Variants in TMEFF1 observed in about 807,000 individuals in gnomAD.
TMEFF1 encodes transmembrane protein with EGF like and two follistatin like domains 1.
In TMEFF1, 20 loss-of-function variants were observed where a neutral mutation model predicts 47.5. The ratio of observed to expected loss-of-function variants is 0.42; its 90% confidence interval spans 0.30 to 0.61. The LOEUF (loss-of-function observed/expected upper bound fraction) is 0.61, where lower values mean the gene tolerates loss of function less well. Among genes scored for constraint, TMEFF1 ranks in the 20% least tolerant of loss-of-function variants. TMEFF1 has a pLI of 0.19. For missense variants in TMEFF1, 411 were observed against 471.1 expected, an observed-to-expected ratio of 0.87 and a Z score of 1.18; for synonymous variants, 162 against 166.3, an observed-to-expected ratio of 0.97 and a Z score of 0.20.
intron 5 of TMEFF1, among the ~76,000 whole-genome samples, chr9:100,538,898 G>A (rs775312942): frequency 2.6e-5 from 4 of 151,898 alleles, no homozygotes; most frequent in Non-Finnish European, 5.9e-5. Flanking sequence ...TGGTATACAC[G>A]AGTAGGAGAT....
At chr9:100,570,247 G>A (rs1839207668) in intron 8 of TMEFF1, among the ~76,000 whole-genome samples, 1 of 152,100 alleles carries the variant, frequency 6.6e-6, no homozygotes, top group South Asian at 2.1e-4. Context: ...ACGTGGTAGT[G>A]CAGATATTTC....
In TMEFF1 at chr9:100,473,782, C is replaced by G; in HGVS notation, c.196+42C>G. 2 of 1,434,052 alleles carry G rather than the reference C, an allele frequency of 1.4e-6. No individual in the cohort carries two copies. Among genetic ancestry groups the G allele is most frequent in the Non-Finnish European group, 1.8e-6 (2 of 1,084,246 alleles). The allele number at this position is 1,434,052 out of a possible 1,614,324, so 88.8% of individuals were successfully genotyped here. A position where few individuals can be genotyped will look rare whatever the true frequency, so the allele number is the denominator to read the frequency against. ...CCGGCCCTAGGTCTTCCCACCCCTC[C>G]GTTGCCGCCTCCCTCGTGGTCCCTG... On this transcript the variant is annotated intron_variant, in intron 1 of 9. Transcript: ENST00000374879. This position sits in a 1 kb window ranked among gnomAD's most constrained non-coding sequence, Gnocchi z 5.4.
chr9:100,523,411 G>A (rs1037213474), intron 5 of TMEFF1, among the ~76,000 whole-genome samples: 1 of 152,086 alleles, frequency 6.6e-6, no homozygotes, highest in Non-Finnish European at 1.5e-5. Context: ...CTGAGGGCAG[G>A]GACTTTGTCT....
rs527423618 is a variant in TMEFF1, at chr9:100,534,974, A to T, written c.561-12770A>T. On this transcript the variant is annotated intron_variant, in intron 5 of 9. Coordinates refer to ENST00000374879, the MANE Select transcript of TMEFF1 (RefSeq NM_003692.5). ...TTGTAAAGGGCTAGATGGTAAATAT[A>T]TCAGGCTTAGCAGGCCACATGTGGT... 8.9e-4 allele frequency among the ~76,000 whole-genome samples: 135 copies of T among 152,314 alleles called. 1 individual carries two copies. Among genetic ancestry groups the T allele is most frequent in the African/African-American group, 3.1e-3 (128 of 41,568 alleles).
intron 5 of TMEFF1, among the ~76,000 whole-genome samples, chr9:100,524,072 A>C (rs1216979601): frequency 6.6e-6 from 1 of 152,074 alleles, no homozygotes; most frequent in Non-Finnish European, 1.5e-5. Context: ...AGAGACAGTC[A>C]CTGTGATCTG....
At chr9:100,484,616 G>A (rs1837414204) in intron 1 of TMEFF1, among the ~76,000 whole-genome samples, 1 of 151,408 alleles carries the variant, frequency 6.6e-6, no homozygotes, top group African/African-American at 2.4e-5. Context: ...GCCGCGCCTG[G>A]CCAAGGAACT....
In TMEFF1 at chr9:100,550,141, A is replaced by G. The variant is rs188863936; in HGVS notation, c.756A>G (p.Gln252=). ...SLLGKKDDGL[Q]YRPDVKDASD... The stretch of plus-strand genomic sequence containing the variant: ...TGGGAAAGAAAGATGATGGACTACA[A>G]TATCGACCAGATGTGAAAGGTACTG... The change falls in exon 7 of 10, where the codon CAA becomes CAG. Residue 252 remains glutamine, a synonymous_variant. Transcript: ENST00000374879. 3.8e-5 allele frequency: 62 copies of G among 1,612,474 alleles called. No homozygotes were observed. The East Asian group carries it at 4.2e-4, about 11-fold the overall frequency.
chr9:100,487,076 A>C (rs1256812430), intron 1 of TMEFF1, among the ~76,000 whole-genome samples: 1 of 152,110 alleles, frequency 6.6e-6, no homozygotes, highest in Non-Finnish European at 1.5e-5. Context: ...TTCACAAGTC[A>C]GCTCAATCTT....
intron 5 of TMEFF1, among the ~76,000 whole-genome samples, chr9:100,528,950 G>C (rs1838321468): frequency 6.9e-6 from 1 of 145,574 alleles, no homozygotes; most frequent in Non-Finnish European, 1.5e-5. Flanking sequence ...CATTCTTAAA[G>C]AAAAGAATTT....
At chr9:100,523,601 G>C (rs1838206358) in intron 5 of TMEFF1, among the ~76,000 whole-genome samples, 1 of 152,170 alleles carries the variant, frequency 6.6e-6, no homozygotes, top group Non-Finnish European at 1.5e-5. Context: ...TGAATTTGTT[G>C]CAGGCTTTAT....
intron 5 of TMEFF1, among the ~76,000 whole-genome samples, chr9:100,544,868 T>A (rs1368740182): frequency 1.3e-5 from 2 of 152,226 alleles, no homozygotes; most frequent in Non-Finnish European, 2.9e-5. Context: ...ATAGGCCCCA[T>A]GCAGGGCAGT....
In TMEFF1 at chr9:100,539,329, C is replaced by G. The variant is rs138677009; in HGVS notation, c.561-8415C>G. ...GTCCCAGTAAGCTTTCCTACTGTGTCCGGAATTGGTGGGTTTTTGGTCTCA... is the reference window on the plus strand; with the variant it reads ...GTCCCAGTAAGCTTTCCTACTGTGTGCGGAATTGGTGGGTTTTTGGTCTCA... On this transcript the variant is annotated intron_variant, in intron 5 of 9. Transcript: ENST00000374879. Among the ~76,000 whole-genome samples, 929 of 152,264 alleles carry G rather than the reference C, an allele frequency of 6.1e-3. 5 individuals carry two copies. Among genetic ancestry groups the G allele is most frequent in the African/African-American group, 0.015 (621 of 41,562 alleles).
chr9:100,552,254 T>C lies in TMEFF1; in HGVS notation c.775+2094T>C, dbSNP rs185574371. 1.4e-4 allele frequency among the ~76,000 whole-genome samples: 22 copies of C among 152,242 alleles called. No homozygotes were observed. In the East Asian group the frequency reaches 4.2e-3, roughly 29 times the overall value. On this transcript the variant is annotated intron_variant, in intron 7 of 9. Transcript: ENST00000374879. The stretch of plus-strand genomic sequence containing the variant: ...CAAAGTTAACCATTTGAAAGAATGA[T>C]ACCTGGCAGGAATATTGTGCATATT...
intron 8 of TMEFF1, among the ~76,000 whole-genome samples, chr9:100,563,093 G>A (rs1459926480): frequency 1.3e-5 from 2 of 152,194 alleles, no homozygotes; most frequent in Non-Finnish European, 2.9e-5. Context: ...TGGGATTGCA[G>A]GTGTGAGCCA....
intron 3 of TMEFF1, among the ~76,000 whole-genome samples, chr9:100,512,490 C>A (rs1039911753): frequency 6.6e-6 from 1 of 152,124 alleles, no homozygotes; most frequent in Non-Finnish European, 1.5e-5. Context: ...AGGGTATCCT[C>A]TCCCCTGGCA....
chr9:100,572,368 C>A, intron 8 of TMEFF1, 150 bp from the exon 9 acceptor site: 1 of 859,116 alleles, frequency 1.2e-6, no homozygotes, highest in African/African-American at 1.7e-5. Flanking sequence ...GGGAAACATA[C>A]AAATGACATT....
intron 9 of TMEFF1, among the ~76,000 whole-genome samples, chr9:100,575,804 A>G (rs1489502408): frequency 6.6e-6 from 1 of 151,920 alleles, no homozygotes; most frequent in African/African-American, 2.4e-5. Flanking sequence ...TCCACATTGC[A>G]TAGCACAGCA....
At chr9:100,554,372 T>C (rs1838878717) in intron 7 of TMEFF1, among the ~76,000 whole-genome samples, 1 of 151,896 alleles carries the variant, frequency 6.6e-6, no homozygotes, top group Non-Finnish European at 1.5e-5. Context: ...ATTAGCAGGC[T>C]CCTAAGAGAG....
intron 5 of TMEFF1, 119 bp downstream of exon 5, chr9:100,516,890 T>C: frequency 8.0e-7 from 1 of 1,248,560 alleles, no homozygotes. Context: ...AAATTTTTTT[T>C]TTGTTTAATG....
Sources: allele counts gnomAD v4.1 joint callset (sites outside exome capture counted in the v4.1 genomes callset), GRCh38; gene constraint gnomAD v4.1.1; non-coding constraint Gnocchi (gnomAD v3.1); transcripts MANE v1.5; gene names NCBI Gene and HGNC (gene_info 2026-07-23, HGNC 2026-07-21).